HMGB1: variants seen among roughly 807,000 people sequenced by gnomAD.
The protein encoded by HMGB1 is high mobility group protein B1.
For synonymous variants in HMGB1, 81 were observed against 84.0 expected (o/e 0.96, Z 0.19); for missense variants, 79 against 253.5 (o/e 0.31, Z 4.67).
intron 1 of HMGB1, among the ~76,000 whole-genome samples, chr13:30,495,556 G>A (rs1019298549): frequency 8.7e-5 from 13 of 150,266 alleles, no homozygotes; most frequent in African/African-American, 3.2e-4. Context: ...TCGGCTCACT[G>A]CAAGCTCTGC....
At chr13:30,497,875 T>C (rs756340586) in intron 1 of HMGB1, among the ~76,000 whole-genome samples, 12 of 152,208 alleles carry the variant, frequency 7.9e-5, no homozygotes, top group Non-Finnish European at 1.3e-4. Context: ...TTTAGGTTCA[T>C]TCCATGTCTT....
chr13:30,459,331 CTG>C lies in HMGB1; in HGVS notation c.*2024_*2025del, dbSNP rs1303518704. The C allele has an allele frequency of 6.6e-6, 1 of 152,158 alleles. No individual in the cohort carries two copies. The highest frequency in any genetic ancestry group is 2.4e-5 in the African/African-American group (1 of 41,444). The allele number at this position is 152,158 out of a possible 1,614,324, so 9.4% of individuals were successfully genotyped here. On this transcript the variant is annotated 3_prime_UTR_variant, in exon 5 of 5. Coordinates refer to ENST00000341423, the MANE Select transcript of HMGB1 (RefSeq NM_002128.7). ...TGGTCAAGAATAAACCCTAAAAAAA[CTG>C]TTCCCATTCTCAACATCTTAAAAAA...
At chr13:30,615,793 A>C (rs754295017) in intron 1 of HMGB1, among the ~76,000 whole-genome samples, 7 of 152,258 alleles carry the variant, frequency 4.6e-5, no homozygotes, top group Non-Finnish European at 1.0e-4. Context: ...TGAGTGGCTA[A>C]AATGAGAGAA....
chr13:30,552,735 T>C (rs1352853754), intron 1 of HMGB1, among the ~76,000 whole-genome samples: 1 of 152,266 alleles, frequency 6.6e-6, no homozygotes, highest in East Asian at 1.9e-4. Flanking sequence ...TGATGAGACA[T>C]TGAAGATTCT....
chr13:30,463,935 G>GATAT (rs1262083270), intron 1 of HMGB1: 4 of 432,232 alleles, frequency 9.3e-6, no homozygotes, highest in Non-Finnish European at 1.5e-5. Context: ...TAGACACAAA[G>GATAT]ATATACCCAT....
At chr13:30,591,027 CTTTTTT>C (rs910554887) in intron 1 of HMGB1, among the ~76,000 whole-genome samples, 2 of 109,928 alleles carry the variant, frequency 1.8e-5, no homozygotes, top group African/African-American at 3.6e-5. Flanking sequence ...GAGGCAGGGC[CTTTTTT>C]TTTTTTTTTT....
At chr13:30,603,340 G>C (rs1950421864) in intron 1 of HMGB1, among the ~76,000 whole-genome samples, 1 of 152,138 alleles carries the variant, frequency 6.6e-6, no homozygotes, top group Admixed American at 6.5e-5. Context: ...CCTCTTGGAA[G>C]TATCAAGGAG....
chr13:30,599,399 C>G (rs764383312), intron 1 of HMGB1, among the ~76,000 whole-genome samples: 13 of 152,156 alleles, frequency 8.5e-5, no homozygotes, highest in African/African-American at 3.1e-4. Flanking sequence ...ACCTGGGAGG[C>G]GGAGGTTGTG....
At chr13:30,579,172 G>A (rs865968070) in intron 1 of HMGB1, among the ~76,000 whole-genome samples, 12 of 152,282 alleles carry the variant, frequency 7.9e-5, no homozygotes, top group Admixed American at 4.6e-4. Context: ...GAACGGAATG[G>A]CTAGAAAAAG....
chr13:30,535,153 C>G (rs533349590), intron 1 of HMGB1, among the ~76,000 whole-genome samples: 2 of 152,190 alleles, frequency 1.3e-5, no homozygotes, highest in Non-Finnish European at 2.9e-5. Context: ...CCCACTCAGC[C>G]TTTCTCTTTC....
chr13:30,539,575 G>C, intron 1 of HMGB1: 1 of 261,260 alleles, frequency 3.8e-6, no homozygotes, highest in Non-Finnish European at 7.3e-6. Context: ...CAGAGCCCCA[G>C]AGTAGTGCTA....
chr13:30,508,446 A>G (rs941326175), intron 1 of HMGB1, among the ~76,000 whole-genome samples: 1 of 152,174 alleles, frequency 6.6e-6, no homozygotes, highest in Admixed American at 6.5e-5. Flanking sequence ...TGGGAGGCAG[A>G]GGTTGCAGTG....
rs1305995152 is a variant in HMGB1 at position 30,456,773 on chromosome 13, T to TG, written c.*4583dup. On this transcript the variant is annotated 3_prime_UTR_variant, in exon 5 of 5. Transcript: ENST00000341423. ...AGCTTTTGTGGGCGGGGGGGGGGGG[T>TG]GGTGGGGTGCAATTTATCAACATCT... The TG allele has an allele frequency of 3.9e-4, 7 of 17,818 alleles. No individual in the cohort carries two copies. The highest frequency in any genetic ancestry group is 6.1e-4 in the Non-Finnish European group (6 of 9,758). The allele number at this position is 17,818 out of a possible 1,614,324, so 1.1% of individuals were successfully genotyped here.
At chr13:30,464,567 GGCCCTGCAGGCCC>G (rs1404943569) in intron 1 of HMGB1, 188 of 984,230 alleles carry the variant, frequency 1.9e-4, no homozygotes, top group Admixed American at 1.7e-3. Flanking sequence ...GCGCCCGGCA[GGCCCTGCAGGCCC>G]GCGCCGCCGC....
At chr13:30,562,741 T>C (rs984259335) in intron 1 of HMGB1, among the ~76,000 whole-genome samples, 7 of 152,202 alleles carry the variant, frequency 4.6e-5, no homozygotes, top group African/African-American at 1.2e-4. Context: ...CTGAAGCTGA[T>C]AGAATTGGCG....
At chr13:30,492,165 T>A (rs1887511265) in intron 1 of HMGB1, among the ~76,000 whole-genome samples, 2 of 135,970 alleles carry the variant, frequency 1.5e-5, no homozygotes, top group Non-Finnish European at 1.6e-5. Context: ...AGACTCCCTC[T>A]AAAAAAAAAA....
intron 1 of HMGB1, among the ~76,000 whole-genome samples, chr13:30,608,944 T>TTTTTTTTTTTTTTTTTTTTTTTG (rs1950486286): frequency 6.6e-6 from 1 of 152,192 alleles, no homozygotes; most frequent in African/African-American, 2.4e-5. Context: ...CACCTGGTTT[T>TTTTTTTTTTTTTTTTTTTTTTTG]AAACAGAAAC....
At chr13:30,498,414 C>T (rs1000720058) in intron 1 of HMGB1, among the ~76,000 whole-genome samples, 4 of 151,896 alleles carry the variant, frequency 2.6e-5, no homozygotes, top group African/African-American at 7.3e-5. Context: ...TTTCCTTGTC[C>T]CACTGGGATG....
At chr13:30,585,528 A>T (rs1016683159) in intron 1 of HMGB1, among the ~76,000 whole-genome samples, 1 of 151,882 alleles carries the variant, frequency 6.6e-6, no homozygotes, top group African/African-American at 2.4e-5. Context: ...AAAATACAAA[A>T]TAAGCCGGGA....
Sources: gnomAD v4.1 joint callset for allele counts (sites outside exome capture counted in the v4.1 genomes callset) on GRCh38, gnomAD v4.1.1 for gene constraint, MANE v1.5 for transcripts, NCBI Gene and HGNC (gene_info 2026-07-23, HGNC 2026-07-21) for gene names.